The following NEB variants were observed in gnomAD, a reference collection of about 807,000 sequenced individuals.
NEB encodes nebulin.
NEB carries 512 observed loss-of-function variants against 952.2 expected under a neutral mutation model. The ratio of observed to expected loss-of-function variants is 0.54; its 90% CI spans 0.50 to 0.58. NEB has a LOEUF of 0.58. NEB is among the 20% of genes least tolerant of loss of function. The pLI, the probability that NEB is intolerant of heterozygous loss-of-function variation, is 0.00. For missense variants in NEB, 8,428 were observed against 9,231.1 expected, an observed-to-expected ratio of 0.91 and a Z score of 3.56; for synonymous variants, 2,900 against 3,149.8, an observed-to-expected ratio of 0.92 and a Z score of 2.66.
rs188873569 is a variant in NEB at position 151,610,195 on chromosome 2, T to G, written c.12019-75A>C. ...CATGTGCTGACAATTACAGACAACA[T>G]GAAATGGACAAGATTTTATATTACA... On this transcript the variant is annotated intron_variant, in intron 80 of 181. Transcript: ENST00000397345. 10 of 1,242,280 alleles carry G rather than the reference T, an allele frequency of 8.0e-6. No individual in the cohort carries two copies. The African/African-American group carries it at 1.1e-4, about 13-fold the overall frequency. The allele number at this position is 1,242,280 out of a possible 1,614,324, so 77.0% of individuals were successfully genotyped here. A position where few individuals can be genotyped will look rare whatever the true frequency, so the allele number is the denominator to read the frequency against.
At position 151,576,265 on chromosome 2, in the gene NEB, C is replaced by T; in HGVS notation, c.16794G>A (p.Gln5598=). The T allele has an allele frequency of 6.2e-7, 1 of 1,611,402 alleles. No homozygotes were observed. The highest frequency in any genetic ancestry group is 8.5e-7 in the Non-Finnish European group (1 of 1,178,282). Residue 5598 remains glutamine (Q), a synonymous_variant, in exon 106 of 182, where the codon CAG becomes CAA. Coordinates refer to ENST00000397345, the MANE Select transcript of NEB (RefSeq NM_001164508.2). ...GATAGACACTGTCACAAAAGATATT[C>T]TGGGCGTTTTTGACTCTCAACACTT... is the stretch of plus-strand genomic sequence containing the variant. ...SPEVLRVKNA[Q]NIFCDSVYRT...
In NEB at chr2:151,658,082, GT is replaced by G; in HGVS notation, c.6083del (p.Tyr2028SerfsTer60). 6.3e-7 allele frequency: 1 copy of G among 1,595,378 alleles called. No individual in the cohort carries two copies. ...TTTTAGACTCTTCCAAGGAAAGTTT[GT>G]AGAGTTTCTGTAAAGAGAGGCAAAG... ...ANAINMSDKL[Y>X]KLSLEESKKK... On this transcript the variant is annotated frameshift_variant, in exon 48 of 182. Transcript: ENST00000397345. LOFTEE classifies it high-confidence loss of function.
intron 84 of NEB, among the ~76,000 whole-genome samples, chr2:151,605,951 C>T (rs1283542482): frequency 1.0e-4 from 10 of 100,224 alleles, no homozygotes; most frequent in African/African-American, 2.4e-4. Context: ...TACAGGCTCC[C>T]GCCACCACGC....
chr2:151,536,987 T>C (rs1287355469), intron 141 of NEB, 145 bp downstream of exon 141: 1 of 454,088 alleles, frequency 2.2e-6, no homozygotes, highest in African/African-American at 2.0e-5. Flanking sequence ...TTCCTAGCAG[T>C]GAACAAGTAA....
Position 151,614,307 on chromosome 2 carries a change from T to C in NEB, c.11570A>G (p.Gln3857Arg), listed in dbSNP as rs760525587. The change falls in exon 77 of 182, where the codon CAG becomes CGG. Residue 3857 changes from glutamine (Q) to arginine (R), a missense_variant. Gln to Arg is a conservative substitution (Grantham distance 43). Transcript: ENST00000397345. ...CTGCAGGTCATAGGCCTTCCGAGCC[T>C]GAATGACGTCATTCTGATCAGGCAG... is the stretch of plus-strand genomic sequence containing the variant. Reference protein sequence around the residue: ...TCLPDQNDVIQARKAYDLQSD... With the variant: ...TCLPDQNDVIRARKAYDLQSD... The C allele has an allele frequency of 3.3e-5, 53 of 1,613,752 alleles. No individual in the cohort carries two copies. The highest frequency in any genetic ancestry group is 1.6e-4 in the Middle Eastern group (1 of 6,078).
In NEB at chr2:151,675,380, C is replaced by G. The variant is rs112229327; in HGVS notation, c.3786G>C (p.Lys1262Asn). The G allele has an allele frequency of 6.4e-7, 1 of 1,570,746 alleles. No individual in the cohort carries two copies. The highest frequency in any genetic ancestry group is 8.7e-7 in the Non-Finnish European group (1 of 1,154,048). ...NTKQVSDILY[K>N]AKGEDVKHKY... The stretch of plus-strand genomic sequence containing the variant: ...TATGTTTCACATCTTCTCCTTTAGC[C>G]TTGTATAAGATCTGCAATAAAATGC... Residue 1262 changes from lysine (K) to asparagine (N), a missense_variant, in exon 35 of 182, where the codon AAG (lysine) becomes AAC (asparagine). Physicochemically the swap from Lys to Asn is moderately conservative, Grantham distance 94. This residue lies in a region of NEB where 2,851 missense variants were observed against 2,791.5 expected (regional missense o/e 1.02). Coordinates refer to ENST00000397345, the MANE Select transcript of NEB (RefSeq NM_001164508.2).
intron 34 of NEB, among the ~76,000 whole-genome samples, chr2:151,676,659 CT>C (rs1400234515): frequency 1.3e-5 from 2 of 151,924 alleles, no homozygotes; most frequent in African/African-American, 4.8e-5. Flanking sequence ...TATATTGTTC[CT>C]TTTGCCAGGA....
intron 147 of NEB, 106 bp downstream of exon 147, chr2:151,527,375 A>T: frequency 2.1e-6 from 2 of 961,690 alleles, no homozygotes; most frequent in Non-Finnish European, 3.1e-6. Context: ...CGGATCTCAA[A>T]CGAGCAAGGG....
At position 151,627,126 on chromosome 2, in the gene NEB, T is replaced by C. The variant is rs762891609; in HGVS notation, c.10223A>G (p.Lys3408Arg). The C allele has an allele frequency of 3.7e-6, 6 of 1,613,964 alleles. No homozygotes were observed. The East Asian group carries it at 6.7e-5, about 18-fold the overall frequency. The change falls in exon 70 of 182, where the codon AAG becomes AGG. Residue 3408 changes from lysine to arginine, a missense_variant. This residue lies in a region of NEB where 1,772 missense variants were observed against 1,960.3 expected (regional missense o/e 0.90). Transcript: ENST00000397345. ...ATCACTCAGTATTTCAGCAGCTCTC[T>C]TGCACTTGACCACATCCATAGACCC... ...PIGSMDVVKC[K>R]RAAEILSDNI...
At chr2:151,531,308 C>CTTTTTTTTTTTTTT in intron 144 of NEB, among the ~76,000 whole-genome samples, 1 of 84,030 alleles carries the variant, frequency 1.2e-5, no homozygotes, top group Non-Finnish European at 2.2e-5. Context: ...TTTTTTCTTT[C>CTTTTTTTTTTTTTT]TTTTTTTTTT....
rs571292207 is a variant in NEB at position 151,616,103 on chromosome 2, A to G, written c.11188T>C (p.Tyr3730His). ...LNRINYSDKL[Y>H]KLALEESKKE... ...TTGGACTCTTCCAAAGCAAGTTTAT[A>G]GAGTTTCTGTAGAAAAGAAAGTCAT... Residue 3730 changes from tyrosine to histidine, a missense_variant, in exon 76 of 182, where the codon TAT becomes CAT. Transcript: ENST00000397345. The G allele has an allele frequency of 6.2e-7, 1 of 1,608,964 alleles. No homozygotes were observed. The highest frequency in any genetic ancestry group is 8.5e-7 in the Non-Finnish European group (1 of 1,176,668).
Position 151,709,702 on chromosome 2 carries a change from G to A in NEB, c.989C>T (p.Thr330Ile). The change falls in exon 12 of 182, where the codon ACA becomes ATA. Residue 330 changes from threonine to isoleucine, a missense_variant. By Grantham distance (89) the Thr-to-Ile change is moderately conservative. Transcript: ENST00000397345. Reference sequence around the variant, plus strand: ...TTTTTTATTCATTTTATACTCTGGTGTTTCGGTCTGCATGAAGTAGATCTG... The same window carrying A: ...TTTTTTATTCATTTTATACTCTGGTATTTCGGTCTGCATGAAGTAGATCTG... ...KDQIYFMQTETPEYKMNKKAG... is the reference protein window; with the variant it reads ...KDQIYFMQTEIPEYKMNKKAG... The A allele has an allele frequency of 6.2e-7, 1 of 1,605,992 alleles. No individual in the cohort carries two copies. Among genetic ancestry groups the A allele is most frequent in the Non-Finnish European group, 8.5e-7 (1 of 1,175,688 alleles).
At chr2:151,709,629 A>G in intron 12 of NEB, 27 bp downstream of exon 12, 1 of 1,515,756 alleles carries the variant, frequency 6.6e-7, no homozygotes, top group Admixed American at 1.9e-5. Context: ...TCAAACCATC[A>G]AGATAAATGG....
At chr2:151,550,297 T>C (rs2095234656) in intron 129 of NEB, among the ~76,000 whole-genome samples, 1 of 149,002 alleles carries the variant, frequency 6.7e-6, no homozygotes, top group Non-Finnish European at 1.5e-5. Context: ...AAAACACTAA[T>C]TCCTCTGTGC....
intron 10 of NEB, chr2:151,716,276 T>A (rs1376343635): frequency 3.4e-6 from 1 of 297,326 alleles, no homozygotes; most frequent in Non-Finnish European, 6.6e-6. Flanking sequence ...GTAGCTGAGA[T>A]TACAGGCGCC....
chr2:151,554,109 C>G, intron 125 of NEB, 84 bp from the exon 126 acceptor site: 1 of 1,302,704 alleles, frequency 7.7e-7, no homozygotes, highest in African/African-American at 1.4e-5. Flanking sequence ...GGCTAACCAA[C>G]TCACAGCGAA....
intron 168 of NEB, among the ~76,000 whole-genome samples, chr2:151,499,972 A>C (rs1346967074): frequency 6.6e-6 from 1 of 152,242 alleles, no homozygotes; most frequent in Non-Finnish European, 1.5e-5. Flanking sequence ...CTTTAAAAAA[A>C]GTCCAGGATC....
intron 51 of NEB, 31 bp from the exon 52 acceptor site, chr2:151,654,130 T>A: frequency 7.0e-7 from 1 of 1,420,854 alleles, no homozygotes; most frequent in South Asian, 1.3e-5. Flanking sequence ...TCAGCATTAT[T>A]CTGTCTATAT....
chr2:151,613,665 G>A (rs1291097919), intron 77 of NEB, among the ~76,000 whole-genome samples: 1 of 152,176 alleles, frequency 6.6e-6, no homozygotes, highest in Non-Finnish European at 1.5e-5. Flanking sequence ...TGGAGGAGGG[G>A]CCTGGTGGGA....
Sources: gnomAD v4.1 joint callset for allele counts (sites outside exome capture counted in the v4.1 genomes callset) on GRCh38, gnomAD v4.1.1 for gene constraint, gnomAD v4.1.1 regional missense constraint, MANE v1.5 for transcripts, NCBI Gene and HGNC (gene_info 2026-07-23, HGNC 2026-07-21) for gene names.